The following HDAC2 variants were observed in gnomAD, a reference collection of about 807,000 sequenced individuals.
HDAC2 encodes the protein histone deacetylase 2, also known as YY1-associated factor 1.
Under a neutral mutation model 68.5 loss-of-function variants are expected in HDAC2, and 5 were observed. The observed-to-expected ratio is 0.07, with a 90% CI of 0.04 to 0.15. The LOEUF (loss-of-function observed/expected upper bound fraction) is 0.15, where lower values mean the gene tolerates loss of function less well. HDAC2 is among the 10% of genes least tolerant of loss of function. The pLI is 1.00. For missense variants in HDAC2, 291 were observed against 600.8 expected, an observed-to-expected ratio of 0.48 and a Z score of 5.39; for synonymous variants, 182 against 191.3, an observed-to-expected ratio of 0.95 and a Z score of 0.40.
chr6:113,941,986 C>T (rs933804839), intron 12 of HDAC2, among the ~76,000 whole-genome samples: 4 of 151,864 alleles, frequency 2.6e-5, no homozygotes, highest in Non-Finnish European at 5.9e-5. Flanking sequence ...AAAGGTGGCC[C>T]TAACTCTAGG....
intron 11 of HDAC2, 148 bp from the exon 12 acceptor site, chr6:113,943,654 A>G (rs912712923): frequency 2.0e-6 from 1 of 497,616 alleles, no homozygotes; most frequent in African/African-American, 2.0e-5. Flanking sequence ...TTTGAATGGA[A>G]TGAATGGTTT....
intron 6 of HDAC2, among the ~76,000 whole-genome samples, chr6:113,951,272 T>G (rs1035908673): frequency 6.6e-6 from 1 of 152,206 alleles, no homozygotes; most frequent in African/African-American, 2.4e-5. Context: ...TAGCCTTCTT[T>G]TCAGCATGAG....
chr6:113,953,694 T>C (rs1378032660), intron 5 of HDAC2, among the ~76,000 whole-genome samples: 2 of 152,222 alleles, frequency 1.3e-5, no homozygotes, highest in Non-Finnish European at 1.5e-5. Flanking sequence ...ATATTTCTAA[T>C]ATATTAAAAA....
chr6:113,970,908 TGGGCTCCCCGGCCACCGCCGCCACC>T lies in HDAC2; in HGVS notation c.-25_-1del. 6.5e-7 allele frequency: 1 copy of T among 1,549,282 alleles called. No homozygotes were observed. Among genetic ancestry groups the T allele is most frequent in the Non-Finnish European group, 8.7e-7 (1 of 1,146,756 alleles). ...TTGCCGCCTCCTTGACTGTACGCCA[TGGGCTCCCCGGCCACCGCCGCCACC>T]GGGCTCCTCCTCCTGCTGCTGCTGC... On this transcript the variant is annotated 5_prime_UTR_variant, in exon 1 of 14. Transcript: ENST00000519065.
Position 113,937,319 on chromosome 6 carries a change from A to G in HDAC2, c.*3739T>C, listed in dbSNP as rs953053923. The stretch of plus-strand genomic sequence containing the variant: ...CAGAAGATGTAGGTGACTAACTTCA[A>G]TGTAAGAACTTCAAATAATTGCCCA... On this transcript the variant is annotated 3_prime_UTR_variant, in exon 14 of 14. Transcript: ENST00000519065. 15 of 152,236 alleles carry G rather than the reference A, an allele frequency of 9.9e-5. No individual in the cohort carries two copies. Among genetic ancestry groups the G allele is most frequent in the African/African-American group, 3.6e-4 (15 of 41,464 alleles). 9.4% of individuals were successfully genotyped at this position (152,236 alleles called of 1,614,324 possible).
rs546061792 is a variant in HDAC2, at chr6:113,934,945, G to A, written c.*6113C>T. 5 of 151,970 alleles carry A rather than the reference G, an allele frequency of 3.3e-5. No homozygotes were observed. The highest frequency in any genetic ancestry group is 9.7e-5 in the African/African-American group (4 of 41,372). 9.4% of individuals were successfully genotyped at this position (151,970 alleles called of 1,614,324 possible). A position where few individuals can be genotyped will look rare whatever the true frequency, so the allele number is the denominator to read the frequency against. On this transcript the variant is annotated 3_prime_UTR_variant, in exon 14 of 14. Coordinates refer to ENST00000519065, the MANE Select transcript of HDAC2 (RefSeq NM_001527.4). ...AAATGGTATCTAGAGTAAATTTTTC[G>A]CACCTACTTGCCCAAACTTTCTTAT... is the stretch of plus-strand genomic sequence containing the variant.
In HDAC2 at chr6:113,971,114, C is replaced by A; in HGVS notation, c.-206G>T. 2 of 1,515,064 alleles carry A rather than the reference C, an allele frequency of 1.3e-6. No individual in the cohort carries two copies. The highest frequency in any genetic ancestry group is 8.9e-7 in the Non-Finnish European group (1 of 1,125,062). The allele number at this position is 1,515,064 out of a possible 1,614,324, so 93.9% of individuals were successfully genotyped here. ...GGCAGAGGTGCCGAAAGCTCGGAAT[C>A]GGAGGTGGCAGCGGCACCAACTCGC... is the stretch of plus-strand genomic sequence containing the variant. On this transcript the variant is annotated 5_prime_UTR_variant, in exon 1 of 14. Coordinates refer to ENST00000519065, the MANE Select transcript of HDAC2 (RefSeq NM_001527.4).
chr6:113,948,985 C>G lies in HDAC2; in HGVS notation c.835G>C (p.Val279Leu). ...GDRLGCFNLT[V>L]KGHAKCVEVV... ...CACCCTTTGAATTGCTTACCTTTGACTGTTAGATTGAAACAACCCAGTCTA... is the reference window on the plus strand; with the variant it reads ...CACCCTTTGAATTGCTTACCTTTGAGTGTTAGATTGAAACAACCCAGTCTA... Residue 279 changes from valine (V) to leucine (L), a missense_variant, in exon 8 of 14, where the codon GTC becomes CTC. Physicochemically the swap from Val to Leu is conservative, Grantham distance 32. Coordinates refer to ENST00000519065, the MANE Select transcript of HDAC2 (RefSeq NM_001527.4). 1 of 1,613,764 alleles carries G rather than the reference C, an allele frequency of 6.2e-7. No homozygotes were observed. The highest frequency in any genetic ancestry group is 8.5e-7 in the Non-Finnish European group (1 of 1,179,848).
rs542584927 is a variant in HDAC2 at position 113,953,806 on chromosome 6, A to G, written c.498-388T>C. Among the ~76,000 whole-genome samples the G allele has an allele frequency of 3.3e-5, 5 of 152,354 alleles. No homozygotes were observed. The East Asian group carries it at 9.7e-4, about 29-fold the overall frequency. The stretch of plus-strand genomic sequence containing the variant: ...TGGCTAACTATGGCCCATGGCCCAA[A>G]TTTGGCCAATTGCCTCTTTTTTCAG... On this transcript the variant is annotated intron_variant, in intron 5 of 13. Coordinates refer to ENST00000519065, the MANE Select transcript of HDAC2 (RefSeq NM_001527.4).
intron 5 of HDAC2, among the ~76,000 whole-genome samples, chr6:113,953,965 G>C (rs1320620022): frequency 9.2e-5 from 14 of 152,218 alleles, no homozygotes; most frequent in Admixed American, 9.2e-4. Flanking sequence ...CTGAAAGACA[G>C]CCATGCTCAA....
chr6:113,945,307 T>C (rs1776243522), intron 10 of HDAC2, 55 bp downstream of exon 10: 1 of 862,052 alleles, frequency 1.2e-6, no homozygotes, highest in Non-Finnish European at 1.9e-6. Flanking sequence ...CTTTAAAGCA[T>C]ACTAAATCTT....
At chr6:113,951,413 TGGG>T (rs1776411417) in intron 6 of HDAC2, among the ~76,000 whole-genome samples, 1 of 151,890 alleles carries the variant, frequency 6.6e-6, no homozygotes, top group Admixed American at 6.6e-5. Context: ...TACGAAGTTA[TGGG>T]GACATGCTTA....
intron 5 of HDAC2, 199 bp downstream of exon 5, chr6:113,955,814 C>T (rs1776539730): frequency 5.9e-6 from 3 of 505,522 alleles, no homozygotes; most frequent in Middle Eastern, 5.1e-4. Context: ...CCTGGCCACA[C>T]TTCTAAGTCT....
chr6:113,950,671 C>G (rs1776390628), intron 6 of HDAC2, among the ~76,000 whole-genome samples: 1 of 126,980 alleles, frequency 7.9e-6, no homozygotes, highest in African/African-American at 3.1e-5. Context: ...GCTGGGATTA[C>G]AGGCATGAGC....
At chr6:113,942,816 G>A (rs1409913446) in intron 12 of HDAC2, among the ~76,000 whole-genome samples, 3 of 152,154 alleles carry the variant, frequency 2.0e-5, no homozygotes, top group African/African-American at 4.8e-5. Flanking sequence ...GTAAGGCAAT[G>A]TATCAAAGTA....
At chr6:113,949,131 G>C in intron 7 of HDAC2, 37 bp downstream of exon 7, 1 of 1,606,862 alleles carries the variant, frequency 6.2e-7, no homozygotes, top group Non-Finnish European at 8.5e-7. Flanking sequence ...ATAACATTCT[G>C]AAATTCCATT....
chr6:113,940,257 T>C lies in HDAC2; in HGVS notation c.*801A>G, dbSNP rs1482432866. 2 of 152,210 alleles carry C rather than the reference T, an allele frequency of 1.3e-5. No homozygotes were observed. Among genetic ancestry groups the C allele is most frequent in the African/African-American group, 4.8e-5 (2 of 41,458 alleles). 9.4% of individuals were successfully genotyped at this position (152,210 alleles called of 1,614,324 possible). A position where few individuals can be genotyped will look rare whatever the true frequency, so the allele number is the denominator to read the frequency against. On this transcript the variant is annotated 3_prime_UTR_variant, in exon 14 of 14. Coordinates refer to ENST00000519065, the MANE Select transcript of HDAC2 (RefSeq NM_001527.4). ...AACCTGGATGTCACGTAAATAATAATGGAACCTGGATGCCATGTAAATGCA... is the reference window on the plus strand; with the variant it reads ...AACCTGGATGTCACGTAAATAATAACGGAACCTGGATGCCATGTAAATGCA...
chr6:113,969,994 T>C (rs1265643016), intron 1 of HDAC2: 2 of 152,122 alleles, frequency 1.3e-5, no homozygotes, highest in South Asian at 2.1e-4. Flanking sequence ...CCAGGACCCA[T>C]GGAGTCTGAT....
rs562992421 is a variant in HDAC2, at chr6:113,934,141, A to G, written c.*6917T>C. 4 of 152,332 alleles carry G rather than the reference A, an allele frequency of 2.6e-5. No individual in the cohort carries two copies. The South Asian group carries it at 8.3e-4, about 32-fold the overall frequency. 9.4% of individuals were successfully genotyped at this position (152,332 alleles called of 1,614,324 possible). ...GAAATAGATTTCATACCTATTACAC[A>G]TAAAGATATAAAGGCATATTTTGGA... On this transcript the variant is annotated 3_prime_UTR_variant, in exon 14 of 14. Transcript: ENST00000519065.
Sources: allele counts gnomAD v4.1 joint callset (sites outside exome capture counted in the v4.1 genomes callset), GRCh38; gene constraint gnomAD v4.1.1; transcripts MANE v1.5; gene names NCBI Gene and HGNC (gene_info 2026-07-23, HGNC 2026-07-21).